CCR2: variants seen among roughly 807,000 people sequenced by gnomAD.
CCR2 encodes the protein C-C chemokine receptor type 2.
For synonymous variants in CCR2, 183 were observed against 177.1 expected (o/e 1.03, Z -0.27); for missense variants, 408 against 440.0 (o/e 0.93, Z 0.65).
At position 46,358,232 on chromosome 3, in the gene CCR2, G is replaced by A. The variant is rs769742268; in HGVS notation, c.705G>A (p.Glu235=). ...AAACCCTGCTTCGGTGTCGAAACGA[G>A]AAGAAGAGGCATAGGGCAGTGAGAG... The part of the protein sequence containing the change: ...ILKTLLRCRN[E]KKRHRAVRVI... Residue 235 remains glutamate, a synonymous_variant, in exon 2 of 2, where the codon GAG becomes GAA. Transcript: ENST00000445132. 1.2e-6 allele frequency: 2 copies of A among 1,614,018 alleles called. No individual in the cohort carries two copies. Among genetic ancestry groups the A allele is most frequent in the African/African-American group, 1.3e-5 (1 of 74,930 alleles).
chr3:46,358,844 C>A lies in CCR2; in HGVS notation c.*234C>A. 1 of 1,290,644 alleles carries A rather than the reference C, an allele frequency of 7.7e-7. No individual in the cohort carries two copies. Among genetic ancestry groups the A allele is most frequent in the South Asian group, 2.3e-5 (1 of 42,892 alleles). The allele number at this position is 1,290,644 out of a possible 1,614,324, so 79.9% of individuals were successfully genotyped here. A position where few individuals can be genotyped will look rare whatever the true frequency, so the allele number is the denominator to read the frequency against. On this transcript the variant is annotated 3_prime_UTR_variant, in exon 2 of 2. Transcript: ENST00000445132. ...ACTCTCCAGAAAGCTCATCTCAGCT[C>A]CTGAAAAATGCCTCATTACCTTGTG...
intron 1 of CCR2, among the ~76,000 whole-genome samples, chr3:46,354,610 A>T (rs1701418752): frequency 6.6e-6 from 1 of 152,248 alleles, no homozygotes; most frequent in Non-Finnish European, 1.5e-5. Flanking sequence ...TCTGAAAGAT[A>T]GATTTCTATC....
chr3:46,357,490 G>T lies in CCR2; in HGVS notation c.-38G>T. 1 of 1,596,460 alleles carries T rather than the reference G, an allele frequency of 6.3e-7. No homozygotes were observed. Among genetic ancestry groups the T allele is most frequent in the Non-Finnish European group, 8.6e-7 (1 of 1,169,230 alleles). On this transcript the variant is annotated 5_prime_UTR_variant, in exon 2 of 2. Coordinates refer to ENST00000445132, the MANE Select transcript of CCR2 (RefSeq NM_001123396.4). Reference sequence around the variant, plus strand: ...CTTTGTTTACAGAACAGAGAAAGTGGATTGAACAAGGACGCATTTCCCCAG... The same window carrying T: ...CTTTGTTTACAGAACAGAGAAAGTGTATTGAACAAGGACGCATTTCCCCAG...
Position 46,359,618 on chromosome 3 carries a change from G to T in CCR2, c.*1008G>T. On this transcript the variant is annotated 3_prime_UTR_variant, in exon 2 of 2. Coordinates refer to ENST00000445132, the MANE Select transcript of CCR2 (RefSeq NM_001123396.4). ...TTCTTGTCTGGATCTGAGCTGGTTT[G>T]TTTTGTGCTTGCTTTTCCCTGCCTT... 6.5e-7 allele frequency: 1 copy of T among 1,532,424 alleles called. No individual in the cohort carries two copies. Among genetic ancestry groups the T allele is most frequent in the Non-Finnish European group, 8.8e-7 (1 of 1,132,320 alleles). The allele number at this position is 1,532,424 out of a possible 1,614,324, so 94.9% of individuals were successfully genotyped here. A position where few individuals can be genotyped will look rare whatever the true frequency, so the allele number is the denominator to read the frequency against.
chr3:46,360,037 T>C lies in CCR2; in HGVS notation c.*1427T>C, dbSNP rs1346365996. ...TACCTTCCAGTTCCTCATTTTTGAA[T>C]ACAGGCATAGAGTTCAGACTTTTTT... On this transcript the variant is annotated 3_prime_UTR_variant, in exon 2 of 2. Coordinates refer to ENST00000445132, the MANE Select transcript of CCR2 (RefSeq NM_001123396.4). 5.1e-6 allele frequency: 3 copies of C among 591,356 alleles called. No homozygotes were observed. Among genetic ancestry groups the C allele is most frequent in the East Asian group, 6.0e-5 (2 of 33,484 alleles). The allele number at this position is 591,356 out of a possible 1,614,324, so 36.6% of individuals were successfully genotyped here. A position where few individuals can be genotyped will look rare whatever the true frequency, so the allele number is the denominator to read the frequency against.
At position 46,358,119 on chromosome 3, in the gene CCR2, T is replaced by G; in HGVS notation, c.592T>G (p.Trp198Gly). 2 of 1,614,144 alleles carry G rather than the reference T, an allele frequency of 1.2e-6. No homozygotes were observed. The highest frequency in any genetic ancestry group is 1.7e-6 in the Non-Finnish European group (2 of 1,180,006). Residue 198 changes from tryptophan (W) to glycine (G), a missense_variant, in exon 2 of 2, where the codon TGG becomes GGG. Physicochemically the swap from Trp to Gly is radical, Grantham distance 184. Coordinates refer to ENST00000445132, the MANE Select transcript of CCR2 (RefSeq NM_001123396.4). Reference sequence around the variant, plus strand: ...CTGTGGCCCTTATTTTCCACGAGGATGGAATAATTTCCACACAATAATGAG... The same window carrying G: ...CTGTGGCCCTTATTTTCCACGAGGAGGGAATAATTTCCACACAATAATGAG... Reference protein sequence around the residue: ...YVCGPYFPRGWNNFHTIMRNI... With the variant: ...YVCGPYFPRGGNNFHTIMRNI...
At position 46,357,677 on chromosome 3, in the gene CCR2, G is replaced by A. The variant is rs766403259; in HGVS notation, c.150G>A (p.Ser50=). 13 of 1,614,016 alleles carry A rather than the reference G, an allele frequency of 8.1e-6. No homozygotes were observed. The highest frequency in any genetic ancestry group is 1.6e-4 in the Middle Eastern group (1 of 6,062). The change falls in exon 2 of 2, where the codon TCG becomes TCA. Residue 50 remains serine (S), a synonymous_variant. Transcript: ENST00000445132. The part of the protein sequence containing the change: ...IGAQLLPPLY[S]LVFIFGFVGN... ...CCCAACTCCTGCCTCCGCTCTACTCGCTGGTGTTCATCTTTGGTTTTGTGG... is the reference window on the plus strand; with the variant it reads ...CCCAACTCCTGCCTCCGCTCTACTCACTGGTGTTCATCTTTGGTTTTGTGG...
At chr3:46,355,063 TCATTCAGTGAA>T (rs1701427313) in intron 1 of CCR2, 1 of 152,242 alleles carries the variant, frequency 6.6e-6, no homozygotes, top group Non-Finnish European at 1.5e-5. Context: ...TTTTATGTAC[TCATTCAGTGAA>T]CATTTATTGG....
At chr3:46,354,621 A>T (rs758632906) in intron 1 of CCR2, among the ~76,000 whole-genome samples, 1 of 152,246 alleles carries the variant, frequency 6.6e-6, no homozygotes, top group Non-Finnish European at 1.5e-5. Context: ...GATTTCTATC[A>T]GTTCTGGGTG....
In CCR2 at chr3:46,359,925, A is replaced by G; in HGVS notation, c.*1315A>G. On this transcript the variant is annotated 3_prime_UTR_variant, in exon 2 of 2. Coordinates refer to ENST00000445132, the MANE Select transcript of CCR2 (RefSeq NM_001123396.4). The stretch of plus-strand genomic sequence containing the variant: ...CTGGCTTCACAGATGTGTGATTCAC[A>G]GTGTGAATCTTGGTGTCTACGTTAC... The G allele has an allele frequency of 1.3e-6, 2 of 1,495,612 alleles. No individual in the cohort carries two copies. Among genetic ancestry groups the G allele is most frequent in the Non-Finnish European group, 1.8e-6 (2 of 1,089,348 alleles). 92.6% of individuals were successfully genotyped at this position (1,495,612 alleles called of 1,614,324 possible).
Position 46,358,601 on chromosome 3 carries a change from T to A in CCR2, c.1074T>A (p.Ala358=). The change falls in exon 2 of 2, where the codon GCT becomes GCA. Residue 358 remains alanine (A), a synonymous_variant. Coordinates refer to ENST00000445132, the MANE Select transcript of CCR2 (RefSeq NM_001123396.4). ...CCACTGGGGAGCAGGAAGTCTCGGC[T>A]GGTTTATAAAACGAGGAGCAGTTTG... The part of the protein sequence containing the change: ...TPSTGEQEVS[A]GL 6.3e-7 allele frequency: 1 copy of A among 1,576,382 alleles called. No homozygotes were observed. The highest frequency in any genetic ancestry group is 8.6e-7 in the Non-Finnish European group (1 of 1,159,098).
In CCR2 at chr3:46,358,508, C is replaced by T. The variant is rs1701496785; in HGVS notation, c.981C>T (p.Arg327=). The T allele has an allele frequency of 5.6e-6, 9 of 1,613,350 alleles. No homozygotes were observed. The highest frequency in any genetic ancestry group is 6.8e-6 in the Non-Finnish European group (8 of 1,179,944). The change falls in exon 2 of 2, where the codon CGC becomes CGT. Residue 327 remains arginine (R), a synonymous_variant. Coordinates refer to ENST00000445132, the MANE Select transcript of CCR2 (RefSeq NM_001123396.4). ...TCTTCCGAAAGCACATCACCAAGCG[C>T]TTCTGCAAACAATGTCCAGTTTTCT... is the stretch of plus-strand genomic sequence containing the variant. ...SVFFRKHITK[R]FCKQCPVFYR... is the part of the protein sequence containing the mutation.
rs1213304603 is a variant in CCR2, at chr3:46,360,134, T to C, written c.*1524T>C. ...GTGGTAAAGAGTTAGTTTGAGTTACTATCATGTCAAACGTGAAAATGCTGT... is the reference window on the plus strand; with the variant it reads ...GTGGTAAAGAGTTAGTTTGAGTTACCATCATGTCAAACGTGAAAATGCTGT... On this transcript the variant is annotated 3_prime_UTR_variant, in exon 2 of 2. Coordinates refer to ENST00000445132, the MANE Select transcript of CCR2 (RefSeq NM_001123396.4). The C allele has an allele frequency of 2.6e-6, 1 of 378,952 alleles. No individual in the cohort carries two copies. The highest frequency in any genetic ancestry group is 4.7e-6 in the Non-Finnish European group (1 of 210,600). The allele number at this position is 378,952 out of a possible 1,614,324, so 23.5% of individuals were successfully genotyped here.
rs767147141 is a variant in CCR2, at chr3:46,358,522, G to C, written c.995G>C (p.Cys332Ser). Reference sequence around the variant, plus strand: ...ATCACCAAGCGCTTCTGCAAACAATGTCCAGTTTTCTACAGGGAGACAGTG... The same window carrying C: ...ATCACCAAGCGCTTCTGCAAACAATCTCCAGTTTTCTACAGGGAGACAGTG... The part of the protein sequence containing the change: ...KHITKRFCKQ[C>S]PVFYRETVDG... The change falls in exon 2 of 2, where the codon TGT (cysteine) becomes TCT (serine). Residue 332 changes from cysteine to serine, a missense_variant. By Grantham distance (112) the Cys-to-Ser change is moderately radical. Transcript: ENST00000445132. The C allele has an allele frequency of 6.8e-6, 11 of 1,613,022 alleles. No individual in the cohort carries two copies. The highest frequency in any genetic ancestry group is 9.3e-6 in the Non-Finnish European group (11 of 1,179,816).
intron 1 of CCR2, among the ~76,000 whole-genome samples, chr3:46,355,689 C>T (rs1256477142): frequency 1.3e-5 from 2 of 152,006 alleles, no homozygotes; most frequent in Non-Finnish European, 2.9e-5. Context: ...GAAAGCAGTG[C>T]AGAGGGGATG....
rs572184287 is a variant in CCR2 at position 46,360,430 on chromosome 3, G to A, written c.*1820G>A. On this transcript the variant is annotated 3_prime_UTR_variant, in exon 2 of 2. Transcript: ENST00000445132. ...GTGTTTTGTTTTGTATCATTATGAA[G>A]TCATGCGTTTAATCACATTCGAGTG... 183 of 152,818 alleles carry A rather than the reference G, an allele frequency of 1.2e-3. No individual in the cohort carries two copies. The highest frequency in any genetic ancestry group is 2.1e-3 in the Non-Finnish European group (147 of 68,408). The allele number at this position is 152,818 out of a possible 1,614,324, so 9.5% of individuals were successfully genotyped here.
chr3:46,358,039 C>T lies in CCR2; in HGVS notation c.512C>T (p.Ala171Val). 6.2e-7 allele frequency: 1 copy of T among 1,614,146 alleles called. No individual in the cohort carries two copies. The highest frequency in any genetic ancestry group is 8.5e-7 in the Non-Finnish European group (1 of 1,180,012). Residue 171 changes from alanine (A) to valine (V), a missense_variant, in exon 2 of 2, where the codon GCT becomes GTT. Transcript: ENST00000445132. ...SVITWLVAVF[A>V]SVPGIIFTKC... The stretch of plus-strand genomic sequence containing the variant: ...ATCACCTGGTTGGTGGCTGTGTTTG[C>T]TTCTGTCCCAGGAATCATCTTTACT...
rs1701497372 is a variant in CCR2 at position 46,358,552 on chromosome 3, G to C, written c.1025G>C (p.Gly342Ala). The C allele has an allele frequency of 1.2e-6, 2 of 1,609,804 alleles. No individual in the cohort carries two copies. The highest frequency in any genetic ancestry group is 1.7e-6 in the Non-Finnish European group (2 of 1,178,182). ...GTTTTCTACAGGGAGACAGTGGATG[G>C]AGTGACTTCAACAAACACGCCTTCC... is the stretch of plus-strand genomic sequence containing the variant. ...CPVFYRETVD[G>A]VTSTNTPSTG... The change falls in exon 2 of 2, where the codon GGA becomes GCA. Residue 342 changes from glycine (G) to alanine (A), a missense_variant. Coordinates refer to ENST00000445132, the MANE Select transcript of CCR2 (RefSeq NM_001123396.4).
intron 1 of CCR2, among the ~76,000 whole-genome samples, chr3:46,354,396 T>C (rs765288540): frequency 6.6e-6 from 1 of 150,928 alleles, no homozygotes; most frequent in Non-Finnish European, 1.5e-5. Context: ...TGGGGGAGAG[T>C]GGGCAGCAAG....
Sources: allele counts gnomAD v4.1 joint callset (sites outside exome capture counted in the v4.1 genomes callset), GRCh38; gene constraint gnomAD v4.1.1; transcripts MANE v1.5; gene names NCBI Gene and HGNC (gene_info 2026-07-23, HGNC 2026-07-21).